SPIDR: variants seen among roughly 807,000 people sequenced by gnomAD.
The protein encoded by SPIDR is DNA repair-scaffolding protein.
SPIDR carries 93 observed loss-of-function variants against 104.6 expected under a neutral mutation model. The observed-to-expected ratio is 0.89, with a 90% CI of 0.75 to 1.06. The LOEUF is 1.06. Ranked by LOEUF, SPIDR falls within the 50% of genes least tolerant of loss-of-function variation. The pLI is 0.00. For missense variants in SPIDR, 1,154 were observed against 1,111.2 expected, an observed-to-expected ratio of 1.04 and a Z score of -0.55; for synonymous variants, 431 against 416.9, an observed-to-expected ratio of 1.03 and a Z score of -0.41.
chr8:47,294,156 A>G lies in SPIDR; in HGVS notation c.525+126A>G, dbSNP rs1458512652. 7.4e-6 allele frequency: 9 copies of G among 1,214,118 alleles called. No individual in the cohort carries two copies. The African/African-American group carries it at 1.4e-4, about 18-fold the overall frequency. 75.2% of individuals were successfully genotyped at this position (1,214,118 alleles called of 1,614,324 possible). A position where few individuals can be genotyped will look rare whatever the true frequency, so the allele number is the denominator to read the frequency against. On this transcript the variant is annotated intron_variant, in intron 5 of 19. Transcript: ENST00000297423. ...AACAACCACTTTTGACTCTTAGGGG[A>G]TTCTTTTGTTCTTTACTCACTTATC...
At chr8:47,457,022 C>G (rs1426795675) in intron 8 of SPIDR, among the ~76,000 whole-genome samples, 1 of 152,138 alleles carries the variant, frequency 6.6e-6, no homozygotes, top group Non-Finnish European at 1.5e-5. Context: ...GGCATTTGGA[C>G]TGGTTCCACA....
chr8:47,583,895 G>A (rs1285518614), intron 8 of SPIDR, among the ~76,000 whole-genome samples: 1 of 152,180 alleles, frequency 6.6e-6, no homozygotes, highest in Non-Finnish European at 1.5e-5. Context: ...CATCACATCC[G>A]AGTCACAACC....
At chr8:47,635,757 C>T (rs2067819436) in intron 10 of SPIDR, among the ~76,000 whole-genome samples, 1 of 152,036 alleles carries the variant, frequency 6.6e-6, no homozygotes, top group African/African-American at 2.4e-5. Flanking sequence ...AACAGATTAC[C>T]CTAAGAAGAG....
chr8:47,386,286 C>T (rs1156985319), intron 5 of SPIDR, among the ~76,000 whole-genome samples: 3 of 151,934 alleles, frequency 2.0e-5, no homozygotes, highest in Non-Finnish European at 2.9e-5. Flanking sequence ...AGTGTAGTTG[C>T]CCTTCATTTA....
intron 5 of SPIDR, among the ~76,000 whole-genome samples, chr8:47,339,710 C>T (rs1456059564): frequency 1.4e-5 from 2 of 144,776 alleles, no homozygotes; most frequent in Non-Finnish European, 3.0e-5. Flanking sequence ...GGTGGAGTCT[C>T]GCACTGTCGC....
chr8:47,289,775 T>A (rs2154236458), intron 3 of SPIDR, among the ~76,000 whole-genome samples: 1 of 152,298 alleles, frequency 6.6e-6, no homozygotes, highest in Non-Finnish European at 1.5e-5. Context: ...TCCCAGAGAA[T>A]GAAAATTAAA....
intron 5 of SPIDR, among the ~76,000 whole-genome samples, chr8:47,368,020 T>C (rs1273595661): frequency 5.3e-5 from 8 of 152,130 alleles, no homozygotes; most frequent in African/African-American, 1.9e-4. Context: ...CTCACAGTTC[T>C]GGAGGCTGGG....
intron 8 of SPIDR, among the ~76,000 whole-genome samples, chr8:47,489,010 G>A (rs1554735491): frequency 1.3e-5 from 2 of 152,250 alleles, no homozygotes; most frequent in African/African-American, 4.8e-5. Context: ...AGGGCAGTCA[G>A]GCAGGAGAAA....
intron 5 of SPIDR, among the ~76,000 whole-genome samples, chr8:47,298,167 G>A (rs2041264882): frequency 6.6e-6 from 1 of 152,148 alleles, no homozygotes; most frequent in Admixed American, 6.5e-5. Context: ...GTGTGAGATG[G>A]TATCTCACCG....
intron 8 of SPIDR, among the ~76,000 whole-genome samples, chr8:47,519,661 T>G (rs957682390): frequency 3.3e-5 from 5 of 152,124 alleles, no homozygotes; most frequent in Admixed American, 6.5e-5. Flanking sequence ...GGCACAGGCC[T>G]GCAGTCCCGA....
In SPIDR at chr8:47,729,449, C is replaced by T; in HGVS notation, c.2588C>T (p.Ala863Val). ...QRSISSLLRF[A>V]AGEDGSYEVK... ...AGCATTTCCTCCCTGCTGAGGTTTGCCGCCGGTGAAGATGGGGTAAGTGCA... is the reference window on the plus strand; with the variant it reads ...AGCATTTCCTCCCTGCTGAGGTTTGTCGCCGGTGAAGATGGGGTAAGTGCA... Residue 863 changes from alanine to valine, a missense_variant, in exon 19 of 20, where the codon GCC becomes GTC. Ala to Val is a moderately conservative substitution (Grantham distance 64). Transcript: ENST00000297423. 2 of 1,597,472 alleles carry T rather than the reference C, an allele frequency of 1.3e-6. No individual in the cohort carries two copies. Among genetic ancestry groups the T allele is most frequent in the Non-Finnish European group, 1.7e-6 (2 of 1,172,942 alleles).
At chr8:47,705,163 A>G (rs996708065) in intron 14 of SPIDR, among the ~76,000 whole-genome samples, 2 of 152,236 alleles carry the variant, frequency 1.3e-5, no homozygotes, top group Non-Finnish European at 2.9e-5. Context: ...AGCCAGTTGG[A>G]GGGGAGCTCT....
At chr8:47,595,663 C>G (rs2061559410) in intron 8 of SPIDR, 148 bp from the exon 9 acceptor site, 1 of 679,250 alleles carries the variant, frequency 1.5e-6, no homozygotes, top group South Asian at 1.8e-5. Context: ...CATGCTGGAG[C>G]ATGAAGGACA....
At chr8:47,277,313 TTGTTATGTTATGTTATGTTA>T (rs75609635) in intron 1 of SPIDR, among the ~76,000 whole-genome samples, 22,142 of 141,962 alleles carry the variant, frequency 0.16, 1,960 homozygotes, top group South Asian at 0.36. Flanking sequence ...TATGTTATGT[TTGTTATGTTATGTTATGTTA>T]TGTTATGTTA....
At chr8:47,438,969 A>G (rs2068870191) in intron 7 of SPIDR, among the ~76,000 whole-genome samples, 1 of 152,246 alleles carries the variant, frequency 6.6e-6, no homozygotes, top group Non-Finnish European at 1.5e-5. Context: ...AGTTGGCTGA[A>G]GTGGTAAAGA....
chr8:47,419,480 T>C (rs2065013454), intron 7 of SPIDR, among the ~76,000 whole-genome samples: 1 of 152,204 alleles, frequency 6.6e-6, no homozygotes, highest in South Asian at 2.1e-4. Context: ...TTTATCAATT[T>C]TTATTGCGTC....
chr8:47,709,741 CATTTTGGT>C (rs1448223560), intron 14 of SPIDR, among the ~76,000 whole-genome samples: 2 of 152,082 alleles, frequency 1.3e-5, no homozygotes, highest in African/African-American at 4.8e-5. Flanking sequence ...GAGATTAGAA[CATTTTGGT>C]ATATTAATAG....
At chr8:47,309,647 C>T (rs2043753887) in intron 5 of SPIDR, among the ~76,000 whole-genome samples, 1 of 152,150 alleles carries the variant, frequency 6.6e-6, no homozygotes, top group Admixed American at 6.6e-5. Flanking sequence ...TCTTCTCCAT[C>T]TTTTCATTTC....
intron 15 of SPIDR, chr8:47,713,282 A>T (rs1394901173): frequency 4.4e-6 from 3 of 676,332 alleles, no homozygotes; most frequent in African/African-American, 3.6e-5. Context: ...CCCTGTGTGG[A>T]TTGACTTGAA....
Sources: allele counts gnomAD v4.1 joint callset (sites outside exome capture counted in the v4.1 genomes callset), GRCh38; gene constraint gnomAD v4.1.1; transcripts MANE v1.5; gene names NCBI Gene and HGNC (gene_info 2026-07-23, HGNC 2026-07-21).